Variants in PAPPA observed in about 807,000 individuals in gnomAD.
PAPPA encodes pappalysin 1.
PAPPA carries 60 observed loss-of-function variants against 164.0 expected under a neutral mutation model. That is an observed-to-expected ratio of 0.37 (90% CI 0.30 to 0.45). The LOEUF (loss-of-function observed/expected upper bound fraction) is 0.45, where lower values mean the gene tolerates loss of function less well. Ranked by LOEUF, PAPPA falls within the 20% of genes least tolerant of loss-of-function variation. PAPPA has a pLI of 1.00. For missense variants in PAPPA, 1,782 were observed against 2,087.3 expected, an observed-to-expected ratio of 0.85 and a Z score of 2.85; for synonymous variants, 875 against 814.1, an observed-to-expected ratio of 1.07 and a Z score of -1.27.
chr9:116,248,864 C>T (rs558430183), intron 7 of PAPPA, among the ~76,000 whole-genome samples: 16 of 152,178 alleles, frequency 1.1e-4, no homozygotes, highest in Non-Finnish European at 1.0e-4. Flanking sequence ...TGATAATACA[C>T]ATCATATCTG....
chr9:116,314,658 G>T (rs916536219), intron 10 of PAPPA, among the ~76,000 whole-genome samples: 7 of 152,178 alleles, frequency 4.6e-5, no homozygotes, highest in Admixed American at 2.0e-4. Context: ...TAAGGGGCAC[G>T]TTCCAGGCAG....
rs1242439836 is a variant in PAPPA at position 116,313,765 on chromosome 9, A to T, written c.3147+10815A>T. Among the ~76,000 whole-genome samples the T allele has an allele frequency of 3.9e-5, 6 of 152,254 alleles. No homozygotes were observed. The South Asian group carries it at 1.2e-3, about 32-fold the overall frequency. On this transcript the variant is annotated intron_variant, in intron 10 of 21. Transcript: ENST00000328252. Reference sequence around the variant, plus strand: ...AGGAATGTGGTTCATGAAACTGAGGAACTAATTGGTTTAATTTTAATTCGT... The same window carrying T: ...AGGAATGTGGTTCATGAAACTGAGGTACTAATTGGTTTAATTTTAATTCGT...
intron 16 of PAPPA, among the ~76,000 whole-genome samples, chr9:116,353,325 C>A (rs927383213): frequency 2.0e-5 from 3 of 152,094 alleles, no homozygotes; most frequent in African/African-American, 7.2e-5. Flanking sequence ...CATGATGGTT[C>A]CAACACACAT....
chr9:116,224,370 A>G (rs1209209401), intron 5 of PAPPA, among the ~76,000 whole-genome samples: 2 of 152,220 alleles, frequency 1.3e-5, no homozygotes, highest in Admixed American at 1.3e-4. Flanking sequence ...CTGGGTCTGA[A>G]GTCTTTGCGA....
chr9:116,293,819 G>T (rs1004512070), intron 9 of PAPPA, among the ~76,000 whole-genome samples: 9 of 152,128 alleles, frequency 5.9e-5, no homozygotes, highest in African/African-American at 2.2e-4. Flanking sequence ...CGCCGGCTTG[G>T]TGGCGCATTC....
chr9:116,340,519 T>C (rs561478297), intron 13 of PAPPA, among the ~76,000 whole-genome samples: 7 of 152,354 alleles, frequency 4.6e-5, no homozygotes, highest in African/African-American at 1.4e-4. Flanking sequence ...AAGGAGTTGC[T>C]GTGTGGAATG....
Position 116,310,293 on chromosome 9 carries a change from G to A in PAPPA, c.3147+7343G>A, listed in dbSNP as rs973368419. Among the ~76,000 whole-genome samples the A allele has an allele frequency of 6.6e-5, 10 of 152,268 alleles. No individual in the cohort carries two copies. The East Asian group carries it at 1.5e-3, about 24-fold the overall frequency. On this transcript the variant is annotated intron_variant, in intron 10 of 21. Coordinates refer to ENST00000328252, the MANE Select transcript of PAPPA (RefSeq NM_002581.5). ...CAATGGTGGTGGAAGGAGGAAAGGC[G>A]AAGGGAACATGCTGAAATTTCAGAG...
intron 19 of PAPPA, 26 bp from the exon 20 acceptor site, chr9:116,377,549 CT>C: frequency 6.3e-7 from 1 of 1,576,676 alleles, no homozygotes; most frequent in Non-Finnish European, 8.7e-7. Context: ...CCAAGCCCAT[CT>C]GACCTTTCTC....
At chr9:116,196,611 C>T (rs1844106787) in intron 2 of PAPPA, among the ~76,000 whole-genome samples, 1 of 152,258 alleles carries the variant, frequency 6.6e-6, no homozygotes, top group Non-Finnish European at 1.5e-5. Flanking sequence ...GGAACCTCCA[C>T]ACCTCCACTC....
intron 5 of PAPPA, among the ~76,000 whole-genome samples, chr9:116,220,682 T>C (rs1295586695): frequency 4.0e-5 from 6 of 151,314 alleles, no homozygotes; most frequent in Non-Finnish European, 8.8e-5. Flanking sequence ...AGGTCAGGAG[T>C]TCGAGACCAG....
At chr9:116,286,673 A>C (rs1444772096) in intron 9 of PAPPA, 2 of 152,224 alleles carry the variant, frequency 1.3e-5, no homozygotes, top group Non-Finnish European at 2.9e-5. Flanking sequence ...AAAAACGTTT[A>C]ACCAAAACAT....
chr9:116,295,750 C>T (rs1238340394), intron 9 of PAPPA, among the ~76,000 whole-genome samples: 2 of 152,118 alleles, frequency 1.3e-5, no homozygotes, highest in Non-Finnish European at 2.9e-5. Flanking sequence ...TACTCAGACA[C>T]CTCTCTTTAC....
chr9:116,302,633 C>G, intron 9 of PAPPA, 124 bp from the exon 10 acceptor site: 1 of 678,022 alleles, frequency 1.5e-6, no homozygotes, highest in Non-Finnish European at 2.5e-6. Flanking sequence ...TCCATCGTGA[C>G]TAATGTGATG....
intron 9 of PAPPA, among the ~76,000 whole-genome samples, chr9:116,300,029 A>G (rs1250373120): frequency 2.6e-5 from 4 of 151,992 alleles, no homozygotes; most frequent in Non-Finnish European, 5.9e-5. Context: ...AGTTCTCTGT[A>G]TTGGGTTTCT....
chr9:116,387,583 C>T (rs575395183), intron 21 of PAPPA, among the ~76,000 whole-genome samples: 5 of 152,286 alleles, frequency 3.3e-5, no homozygotes, highest in South Asian at 4.2e-4. Flanking sequence ...CTGTATTGCC[C>T]AGACTGGTCT....
Position 116,344,714 on chromosome 9 carries a change from A to T in PAPPA, c.3780+3A>T, listed in dbSNP as rs775128692. 1 of 1,612,806 alleles carries T rather than the reference A, an allele frequency of 6.2e-7. No homozygotes were observed. Among genetic ancestry groups the T allele is most frequent in the South Asian group, 1.1e-5 (1 of 91,030 alleles). Reference sequence around the variant, plus strand: ...ATGATGAGCTGATCAAGAGCCAGGTATGTGCAGGTGCTGAGCTCAGAGCCT... The same window carrying T: ...ATGATGAGCTGATCAAGAGCCAGGTTTGTGCAGGTGCTGAGCTCAGAGCCT... On this transcript the variant is annotated splice_donor_region_variant and intron_variant, in intron 14 of 21. Transcript: ENST00000328252.
At chr9:116,297,151 G>GAAAAT in intron 9 of PAPPA, among the ~76,000 whole-genome samples, 1 of 152,164 alleles carries the variant, frequency 6.6e-6, no homozygotes, top group African/African-American at 2.4e-5. Context: ...CACCATGTCT[G>GAAAAT]GCAGAAAATG....
At chr9:116,352,626 C>A in intron 15 of PAPPA, 80 bp from the exon 16 acceptor site, 1 of 1,145,700 alleles carries the variant, frequency 8.7e-7, no homozygotes, top group Non-Finnish European at 1.3e-6. Flanking sequence ...TTCAAGTCAG[C>A]TAAAATCCAA....
intron 13 of PAPPA, among the ~76,000 whole-genome samples, chr9:116,339,322 G>T (rs76088197): frequency 6.6e-6 from 1 of 152,096 alleles, no homozygotes; most frequent in Admixed American, 6.6e-5. Context: ...AGAGCAAAGC[G>T]CTCTGCTCTT....
Sources: gnomAD v4.1 joint callset for allele counts (sites outside exome capture counted in the v4.1 genomes callset) on GRCh38, gnomAD v4.1.1 for gene constraint, MANE v1.5 for transcripts, NCBI Gene and HGNC (gene_info 2026-07-23, HGNC 2026-07-21) for gene names.